TBC1D22A: variants seen among roughly 807,000 people sequenced by gnomAD.
The protein encoded by TBC1D22A is TBC1 domain family member 22A.
A neutral mutation model predicts 60.2 loss-of-function variants in TBC1D22A; 38 were observed. The ratio of observed to expected loss-of-function variants is 0.63; its 90% CI spans 0.49 to 0.83. TBC1D22A has a LOEUF of 0.83. Among genes scored for constraint, TBC1D22A ranks in the 40% least tolerant of loss-of-function variants. The probability of loss-of-function intolerance (pLI) is 0.00; values close to 1 mark genes in which losing one functional copy is unlikely to be tolerated. For missense variants in TBC1D22A, 628 were observed against 701.0 expected (o/e 0.90, Z 1.18); for synonymous variants, 302 against 281.7 (o/e 1.07, Z -0.72).
intron 4 of TBC1D22A, among the ~76,000 whole-genome samples, chr22:46,817,338 G>A (rs1027238463): frequency 1.3e-5 from 2 of 151,564 alleles, no homozygotes; most frequent in East Asian, 3.9e-4. Flanking sequence ...CGTAGGTTAC[G>A]TGTGCCATGG....
At chr22:47,105,846 GGAAGCAAGCCA>G (rs1445648808) in intron 11 of TBC1D22A, among the ~76,000 whole-genome samples, 1 of 151,962 alleles carries the variant, frequency 6.6e-6, no homozygotes, top group Non-Finnish European at 1.5e-5. Context: ...TGAAGTACAA[GGAAGCAAGCCA>G]CTGGGGGCAA....
At chr22:46,866,238 G>T (rs778951440) in intron 4 of TBC1D22A, among the ~76,000 whole-genome samples, 4 of 152,158 alleles carry the variant, frequency 2.6e-5, no homozygotes, top group Non-Finnish European at 4.4e-5. Flanking sequence ...CCAAGTAGCT[G>T]GGACTACAGG....
At chr22:47,147,741 C>T (rs946393517) in intron 12 of TBC1D22A, among the ~76,000 whole-genome samples, 7 of 152,218 alleles carry the variant, frequency 4.6e-5, no homozygotes, top group African/African-American at 1.7e-4. Flanking sequence ...AGGGTAGGAG[C>T]GGGTCCAGCA....
intron 10 of TBC1D22A, among the ~76,000 whole-genome samples, chr22:47,031,288 C>T (rs1321113905): frequency 6.6e-6 from 1 of 152,222 alleles, no homozygotes; most frequent in Non-Finnish European, 1.5e-5. Flanking sequence ...AGCCCGAAGG[C>T]TGGATTGCCT....
chr22:47,032,781 C>G (rs918412406), intron 10 of TBC1D22A, among the ~76,000 whole-genome samples: 6 of 152,342 alleles, frequency 3.9e-5, no homozygotes, highest in African/African-American at 1.4e-4. Context: ...TTCATTCACG[C>G]CAGTGCAAGG....
intron 4 of TBC1D22A, among the ~76,000 whole-genome samples, chr22:46,861,963 G>C (rs1322535394): frequency 1.3e-5 from 2 of 152,236 alleles, no homozygotes; most frequent in Non-Finnish European, 1.5e-5. Flanking sequence ...GGAGGGACTG[G>C]GCATGTGGTG....
At chr22:46,974,594 T>G (rs913920773) in intron 9 of TBC1D22A, among the ~76,000 whole-genome samples, 195 bp downstream of exon 9, 11 of 152,224 alleles carry the variant, frequency 7.2e-5, no homozygotes, top group Admixed American at 2.0e-4. Context: ...CCCCTCGTTC[T>G]GGGCACGGTC....
At chr22:47,051,731 A>G (rs1406624877) in intron 11 of TBC1D22A, among the ~76,000 whole-genome samples, 1 of 152,126 alleles carries the variant, frequency 6.6e-6, no homozygotes, top group Non-Finnish European at 1.5e-5. Context: ...CAGCCCCAGG[A>G]CTGCTCCTCT....
chr22:46,782,915 T>C (rs1160900402), intron 1 of TBC1D22A, among the ~76,000 whole-genome samples: 1 of 152,250 alleles, frequency 6.6e-6, no homozygotes, highest in African/African-American at 2.4e-5. Flanking sequence ...TTATGGTTAA[T>C]GCTGTACAAG....
At chr22:46,898,495 A>G (rs551822708) in intron 7 of TBC1D22A, among the ~76,000 whole-genome samples, 1 of 151,454 alleles carries the variant, frequency 6.6e-6, no homozygotes, top group East Asian at 1.9e-4. Context: ...GGAGACAGAG[A>G]AAAACATTCA....
intron 12 of TBC1D22A, among the ~76,000 whole-genome samples, chr22:47,137,029 C>T (rs923713207): frequency 1.3e-4 from 20 of 152,194 alleles, no homozygotes; most frequent in Non-Finnish European, 2.2e-4. Context: ...TCACTCGGCG[C>T]GGGCAAAGAA....
intron 12 of TBC1D22A, among the ~76,000 whole-genome samples, chr22:47,114,161 G>A (rs560138451): frequency 3.7e-4 from 57 of 152,222 alleles, no homozygotes; most frequent in African/African-American, 1.3e-3. Flanking sequence ...TGATTAAAAT[G>A]TTTGGCCAGC....
At chr22:46,912,603 C>G (rs2070028334) in intron 8 of TBC1D22A, among the ~76,000 whole-genome samples, 1 of 152,170 alleles carries the variant, frequency 6.6e-6, no homozygotes, top group Non-Finnish European at 1.5e-5. Flanking sequence ...GCTGCCCAGG[C>G]TGGAGTATAG....
chr22:46,771,276 T>C (rs1371575057), intron 1 of TBC1D22A, among the ~76,000 whole-genome samples: 1 of 152,178 alleles, frequency 6.6e-6, no homozygotes, highest in African/African-American at 2.4e-5. Flanking sequence ...GGATTCCTCA[T>C]GGAATTGAGG....
At chr22:46,818,667 G>C (rs2085701451) in intron 4 of TBC1D22A, among the ~76,000 whole-genome samples, 1 of 151,784 alleles carries the variant, frequency 6.6e-6, no homozygotes, top group Non-Finnish European at 1.5e-5. Context: ...CTTGTAGTCA[G>C]GTAGCATGAT....
chr22:47,022,539 G>A lies in TBC1D22A; in HGVS notation c.1202-14532G>A, dbSNP rs146597778. On this transcript the variant is annotated intron_variant, in intron 10 of 12. Transcript: ENST00000337137. The stretch of plus-strand genomic sequence containing the variant: ...AGAACCAAAGTTCTGGTGACAGAGC[G>A]AGACTCTGTCTCAAAAAAAAAAACA... 8.3e-4 allele frequency among the ~76,000 whole-genome samples: 125 copies of A among 150,082 alleles called. 1 individual carries two copies. The East Asian group carries it at 0.014, about 16-fold the overall frequency.
At chr22:46,805,799 C>T (rs1331171163) in intron 4 of TBC1D22A, among the ~76,000 whole-genome samples, 1 of 151,770 alleles carries the variant, frequency 6.6e-6, no homozygotes, top group Non-Finnish European at 1.5e-5. Flanking sequence ...CCCCACACCC[C>T]CCACCCGATT....
At chr22:46,937,526 G>T (rs2147922989) in intron 8 of TBC1D22A, among the ~76,000 whole-genome samples, 1 of 152,254 alleles carries the variant, frequency 6.6e-6, no homozygotes, top group East Asian at 1.9e-4. Flanking sequence ...AAATGACTGT[G>T]TTACTGGTTT....
chr22:46,980,531 A>G (rs2074473772), intron 9 of TBC1D22A, among the ~76,000 whole-genome samples: 1 of 152,248 alleles, frequency 6.6e-6, no homozygotes, highest in South Asian at 2.1e-4. Context: ...TAGCATCGAA[A>G]TTAGAGTCAC....
Sources: gnomAD v4.1 joint callset for allele counts (sites outside exome capture counted in the v4.1 genomes callset) on GRCh38, gnomAD v4.1.1 for gene constraint, MANE v1.5 for transcripts, NCBI Gene and HGNC (gene_info 2026-07-23, HGNC 2026-07-21) for gene names.